The following SPAG9 variants were observed in gnomAD, a reference collection of about 807,000 sequenced individuals.
SPAG9 encodes sperm associated antigen 9, also known as C-Jun-amino-terminal kinase-interacting protein 4.
SPAG9 carries 35 observed loss-of-function variants against 166.5 expected under a neutral mutation model. That is an observed-to-expected ratio of 0.21 (90% CI 0.16 to 0.28). SPAG9 has a LOEUF of 0.28. Ranked by LOEUF, SPAG9 falls within the 10% of genes least tolerant of loss-of-function variation. The pLI is 1.00. For missense variants in SPAG9, 1,235 were observed against 1,603.3 expected, an observed-to-expected ratio of 0.77 and a Z score of 3.92; for synonymous variants, 534 against 565.5, an observed-to-expected ratio of 0.94 and a Z score of 0.79.
chr17:51,084,190 T>C (rs1465368888), intron 1 of SPAG9: 1 of 152,054 alleles, frequency 6.6e-6, no homozygotes, highest in Non-Finnish European at 1.5e-5. Context: ...TGGCTAGAAC[T>C]GAATGCAAGC....
At chr17:50,966,817 A>G (rs1361970549) in intron 29 of SPAG9, among the ~76,000 whole-genome samples, 1 of 152,234 alleles carries the variant, frequency 6.6e-6, no homozygotes, top group African/African-American at 2.4e-5. Flanking sequence ...CTAAACCCAA[A>G]TAACTCACAA....
rs370207739 is a variant in SPAG9 at position 51,069,049 on chromosome 17, T to C, written c.424+10535A>G. On this transcript the variant is annotated intron_variant, in intron 2 of 29. Transcript: ENST00000262013. ...GCTGATATATATTGTTTATTAAATA[T>C]ATAGATATTCTTAGTATTGCAAAGA... is the stretch of plus-strand genomic sequence containing the variant. Among the ~76,000 whole-genome samples the C allele has an allele frequency of 5.9e-5, 9 of 152,234 alleles. No individual in the cohort carries two copies. The East Asian group carries it at 7.7e-4, about 13-fold the overall frequency.
chr17:51,076,203 C>T (rs1427026230), intron 2 of SPAG9, among the ~76,000 whole-genome samples: 1 of 151,652 alleles, frequency 6.6e-6, no homozygotes, highest in Non-Finnish European at 1.5e-5. Flanking sequence ...GGGCGGACTG[C>T]TTTGAGCTCA....
At chr17:51,073,490 A>T (rs1396237881) in intron 2 of SPAG9, among the ~76,000 whole-genome samples, 1 of 152,074 alleles carries the variant, frequency 6.6e-6, no homozygotes, top group Admixed American at 6.6e-5. Flanking sequence ...TGTCTCAAAA[A>T]AATTAAGAAA....
At chr17:50,986,461 G>A (rs1412931510) in intron 22 of SPAG9, among the ~76,000 whole-genome samples, 1 of 152,160 alleles carries the variant, frequency 6.6e-6, no homozygotes, top group Admixed American at 6.5e-5. Context: ...ATACATAACA[G>A]TTGAGTATTC....
rs1491314541 is a variant in SPAG9, at chr17:51,077,013, G to GCTATCTAGCTAGCTAGCTATCTAT, written c.424+2570_424+2571insATAGATAGCTAGCTAGCTAGATAG. On this transcript the variant is annotated intron_variant, in intron 2 of 29. Transcript: ENST00000262013. ...AGCTATCTAGCTATCTAGCTAGCTA[G>GCTATCTAGCTAGCTAGCTATCTAT]CTAGCTATCTAGCTATCTATCTAGC... is the stretch of plus-strand genomic sequence containing the variant. 3.6e-3 allele frequency among the ~76,000 whole-genome samples: 229 copies of GCTATCTAGCTAGCTAGCTATCTAT among 62,878 alleles called. 1 individual carries two copies. The highest frequency in any genetic ancestry group is 8.8e-3 in the Non-Finnish European group (205 of 23,314). The allele number at this position is 62,878 out of a possible 152,430, so 41.3% of individuals were successfully genotyped here.
chr17:50,997,618 C>T (rs2044736395), intron 15 of SPAG9, among the ~76,000 whole-genome samples: 1 of 151,800 alleles, frequency 6.6e-6, no homozygotes, highest in African/African-American at 2.4e-5. Context: ...GTATATATAC[C>T]ACAGTTAACA....
At chr17:50,971,712 G>A (rs1009456230) in intron 28 of SPAG9, among the ~76,000 whole-genome samples, 5 of 151,674 alleles carry the variant, frequency 3.3e-5, no homozygotes, top group African/African-American at 4.8e-5. Context: ...TGCCTGCCTC[G>A]GCCTCCCAAA....
At chr17:50,987,300 G>T in intron 21 of SPAG9, 63 bp from the exon 22 acceptor site, 1 of 1,391,158 alleles carries the variant, frequency 7.2e-7, no homozygotes, top group Non-Finnish European at 9.8e-7. Flanking sequence ...TAGTTTTCAG[G>T]GACTGAATCC....
chr17:51,097,351 G>T (rs1206791063), intron 1 of SPAG9, among the ~76,000 whole-genome samples: 1 of 152,184 alleles, frequency 6.6e-6, no homozygotes, highest in Non-Finnish European at 1.5e-5. Flanking sequence ...TTTATAGCCA[G>T]TTGAGACTGT....
At chr17:51,031,495 TAC>T (rs2046382885) in intron 6 of SPAG9, 184 bp downstream of exon 6, 2 of 572,880 alleles carry the variant, frequency 3.5e-6, no homozygotes, top group Non-Finnish European at 6.2e-6. Context: ...AGGAATAAAT[TAC>T]AGATTGCAGT....
intron 1 of SPAG9, among the ~76,000 whole-genome samples, chr17:51,085,687 T>C (rs1189298681): frequency 6.6e-6 from 1 of 152,186 alleles, no homozygotes; most frequent in Non-Finnish European, 1.5e-5. Context: ...AACTTAGAGA[T>C]TACAAAATGG....
In SPAG9 at chr17:51,110,489, G is replaced by A. The variant is rs62063014; in HGVS notation, c.303+9865C>T. The stretch of plus-strand genomic sequence containing the variant: ...GCAGATCACTTGAGCTCACAAATTC[G>A]AGACCAGCCTGGGCAACATGGTGAA... On this transcript the variant is annotated intron_variant, in intron 1 of 29. Transcript: ENST00000262013. Among the ~76,000 whole-genome samples, 397 of 149,598 alleles carry A rather than the reference G, an allele frequency of 2.7e-3. 2 individuals carry two copies. Among genetic ancestry groups the A allele is most frequent in the Admixed American group, 3.8e-3 (57 of 14,962 alleles).
chr17:51,037,685 AGTGT>A (rs746475393), intron 5 of SPAG9, among the ~76,000 whole-genome samples: 58 of 83,452 alleles, frequency 7.0e-4, no homozygotes, highest in African/African-American at 1.2e-3. Context: ...ATATATATAT[AGTGT>A]GTGTGTGTGT....
chr17:51,088,494 G>A (rs1417541067), intron 1 of SPAG9, among the ~76,000 whole-genome samples: 1 of 152,080 alleles, frequency 6.6e-6, no homozygotes, highest in East Asian at 1.9e-4. Flanking sequence ...GACTAAATCT[G>A]CTTTAAAAAA....
chr17:50,981,482 A>AT (rs1974605937), intron 25 of SPAG9, among the ~76,000 whole-genome samples: 2 of 124,666 alleles, frequency 1.6e-5, no homozygotes, highest in African/African-American at 6.0e-5. Context: ...ATACACAGAT[A>AT]AAGATAGATA....
chr17:51,018,226 C>G (rs1163114746), intron 8 of SPAG9, among the ~76,000 whole-genome samples: 1 of 140,950 alleles, frequency 7.1e-6, no homozygotes, highest in Non-Finnish European at 1.5e-5. Flanking sequence ...GCCTGCAGTC[C>G]CAGCTACTTG....
intron 1 of SPAG9, among the ~76,000 whole-genome samples, chr17:51,095,930 T>G (rs188322159): frequency 7.1e-6 from 1 of 141,056 alleles, no homozygotes; most frequent in Non-Finnish European, 1.5e-5. Flanking sequence ...TATAGTGATA[T>G]ATATAGTGAT....
rs554956506 is a variant in SPAG9, at chr17:51,095,912, GATATAT to G, written c.304-16214_304-16209del. Among the ~76,000 whole-genome samples, 16 of 134,592 alleles carry G rather than the reference GATATAT, an allele frequency of 1.2e-4. No homozygotes were observed. In the South Asian group the frequency reaches 3.2e-3, roughly 27 times the overall value. 88.3% of individuals were successfully genotyped at this position (134,592 alleles called of 152,430 possible). A position where few individuals can be genotyped will look rare whatever the true frequency, so the allele number is the denominator to read the frequency against. On this transcript the variant is annotated intron_variant, in intron 1 of 29. Coordinates refer to ENST00000262013, the MANE Select transcript of SPAG9 (RefSeq NM_001130528.3). Reference sequence around the variant, plus strand: ...TGATATATACAGTGATATATATAGTGATATATATATAGTGATATATATAGTGATATA... The same window carrying G: ...TGATATATACAGTGATATATATAGTGATATAGTGATATATATAGTGATATA...
Sources: allele counts gnomAD v4.1 joint callset (sites outside exome capture counted in the v4.1 genomes callset), GRCh38; gene constraint gnomAD v4.1.1; transcripts MANE v1.5; gene names NCBI Gene and HGNC (gene_info 2026-07-23, HGNC 2026-07-21).